The following PBX4 variants were observed in gnomAD, a reference collection of about 807,000 sequenced individuals.
The protein encoded by PBX4 is pre-B-cell leukemia transcription factor 4.
PBX4 carries 26 observed loss-of-function variants against 35.1 expected under a neutral mutation model. The observed-to-expected ratio is 0.74, with a 90% CI of 0.54 to 1.03. The LOEUF is 1.03. Ranked by LOEUF, PBX4 falls within the 50% of genes least tolerant of loss-of-function variation. PBX4 has a pLI of 0.00. For missense variants in PBX4, 448 were observed against 504.3 expected (o/e 0.89, Z 1.07); for synonymous variants, 199 against 204.2 (o/e 0.97, Z 0.22).
At chr19:19,566,207 G>A (rs916917973) in intron 5 of PBX4, among the ~76,000 whole-genome samples, 9 of 152,170 alleles carry the variant, frequency 5.9e-5, no homozygotes, top group Non-Finnish European at 1.3e-4. Flanking sequence ...CCCCCAGGGA[G>A]GGGCTTGTCA....
At chr19:19,599,265 C>G in intron 2 of PBX4, 27 bp downstream of exon 2, 1 of 1,594,314 alleles carries the variant, frequency 6.3e-7, no homozygotes, top group Non-Finnish European at 8.6e-7. Context: ...CCACGCTCGG[C>G]CAGAAAGTGT....
At chr19:19,618,255 C>T (rs1008632675) in intron 1 of PBX4, among the ~76,000 whole-genome samples, 5 of 152,196 alleles carry the variant, frequency 3.3e-5, no homozygotes, top group South Asian at 4.1e-4. Flanking sequence ...CATTTCTCAG[C>T]CCTACTCCCT....
chr19:19,590,414 T>A (rs766612213), intron 2 of PBX4, among the ~76,000 whole-genome samples: 1 of 152,134 alleles, frequency 6.6e-6, no homozygotes, highest in Non-Finnish European at 1.5e-5. Flanking sequence ...CATTCCTCTT[T>A]ATGGCTGAAT....
chr19:19,578,157 T>C (rs1600410253), intron 2 of PBX4, among the ~76,000 whole-genome samples: 2 of 141,642 alleles, frequency 1.4e-5, no homozygotes, highest in Non-Finnish European at 1.5e-5. Flanking sequence ...GCCACTGCAC[T>C]CCAGCCTGGG....
intron 2 of PBX4, among the ~76,000 whole-genome samples, chr19:19,578,683 CATAAA>C (rs1199663434): frequency 2.0e-5 from 3 of 152,188 alleles, no homozygotes; most frequent in Non-Finnish European, 4.4e-5. Flanking sequence ...CAAACAATGA[CATAAA>C]ATAAAATCGG....
intron 2 of PBX4, among the ~76,000 whole-genome samples, chr19:19,588,809 TA>T (rs1361702470): frequency 6.6e-6 from 1 of 152,146 alleles, no homozygotes. Context: ...CTGACTACTC[TA>T]AAAAGAATTT....
intron 2 of PBX4, among the ~76,000 whole-genome samples, chr19:19,579,368 G>A (rs991272750): frequency 2.6e-5 from 4 of 151,984 alleles, no homozygotes; most frequent in African/African-American, 9.7e-5. Context: ...CACCCAGTCT[G>A]TGGCATTTTG....
chr19:19,588,224 C>G (rs1014197782), intron 2 of PBX4: 1 of 1,364,786 alleles, frequency 7.3e-7, no homozygotes, highest in East Asian at 2.3e-5. Flanking sequence ...ATCAGAGACC[C>G]CAGGGCCTCC....
chr19:19,608,607 C>T (rs1300027231), intron 1 of PBX4: 1 of 152,520 alleles, frequency 6.6e-6, no homozygotes, highest in Non-Finnish European at 1.5e-5. Flanking sequence ...GTCTCCCTTC[C>T]AAGGTCACGC....
At chr19:19,605,253 T>C (rs1267326764) in intron 1 of PBX4, among the ~76,000 whole-genome samples, 1 of 150,706 alleles carries the variant, frequency 6.6e-6, no homozygotes, top group Non-Finnish European at 1.5e-5. Context: ...CCGTCTCTAC[T>C]AAAAATACAA....
intron 4 of PBX4, 103 bp from the exon 5 acceptor site, chr19:19,569,687 A>G: frequency 3.5e-6 from 5 of 1,440,626 alleles, no homozygotes; most frequent in Non-Finnish European, 4.6e-6. Flanking sequence ...GAAAACAGCA[A>G]TCACTTGAGG....
At chr19:19,602,045 GC>G (rs1260640671) in intron 1 of PBX4, among the ~76,000 whole-genome samples, 1 of 152,000 alleles carries the variant, frequency 6.6e-6, no homozygotes, top group Non-Finnish European at 1.5e-5. Context: ...TCGTTATGTT[GC>G]CCAGGCTGCG....
At chr19:19,606,146 C>G (rs1056709527) in intron 1 of PBX4, among the ~76,000 whole-genome samples, 1 of 152,130 alleles carries the variant, frequency 6.6e-6, no homozygotes, top group African/African-American at 2.4e-5. Flanking sequence ...AATCCTTTTT[C>G]CTTGAGTTCA....
At chr19:19,587,462 C>T (rs946485906) in intron 2 of PBX4, among the ~76,000 whole-genome samples, 2 of 151,464 alleles carry the variant, frequency 1.3e-5, no homozygotes, top group Non-Finnish European at 2.9e-5. Context: ...GTGGCGGACT[C>T]CTGTAATCCC....
At chr19:19,598,551 C>T (rs1360912177) in intron 2 of PBX4, among the ~76,000 whole-genome samples, 4 of 152,110 alleles carry the variant, frequency 2.6e-5, no homozygotes, top group African/African-American at 4.8e-5. Flanking sequence ...CTGCCTCGGC[C>T]TCCCAAAGTA....
chr19:19,564,912 C>A, intron 6 of PBX4, 21 bp downstream of exon 6: 1 of 1,614,136 alleles, frequency 6.2e-7, no homozygotes, highest in Non-Finnish European at 8.5e-7. Flanking sequence ...AGATGACTGT[C>A]CCTGGGCCAG....
chr19:19,567,859 A>ACCTCAGGGAGCTCACACTCTATCTGTAAC (rs1265046883), intron 5 of PBX4, among the ~76,000 whole-genome samples: 2 of 145,314 alleles, frequency 1.4e-5, no homozygotes, highest in Non-Finnish European at 3.0e-5. Context: ...CATCTCAATC[A>ACCTCAGGGAGCTCACACTCTATCTGTAAC]CCTCAGGGAG....
intron 2 of PBX4, among the ~76,000 whole-genome samples, chr19:19,589,524 C>A (rs1461913253): frequency 6.6e-6 from 1 of 152,112 alleles, no homozygotes; most frequent in Non-Finnish European, 1.5e-5. Flanking sequence ...AATCCCAGCA[C>A]TTTGGGAGGC....
chr19:19,614,245 T>C (rs1040285161), intron 1 of PBX4, among the ~76,000 whole-genome samples: 2 of 152,010 alleles, frequency 1.3e-5, no homozygotes, highest in South Asian at 4.1e-4. Context: ...GGCTGGAGAA[T>C]CACTTGAACC....
Sources: allele counts gnomAD v4.1 joint callset (sites outside exome capture counted in the v4.1 genomes callset), GRCh38; gene constraint gnomAD v4.1.1; transcripts MANE v1.5; gene names NCBI Gene and HGNC (gene_info 2026-07-23, HGNC 2026-07-21).